GSN: variants seen among roughly 807,000 people sequenced by gnomAD.
The protein encoded by GSN is gelsolin, also known as actin-depolymerizing factor.
A neutral mutation model predicts 85.7 loss-of-function variants in GSN; 56 were observed. That is an observed-to-expected ratio of 0.65 (90% CI 0.53 to 0.82). The LOEUF (loss-of-function observed/expected upper bound fraction) is 0.82, where lower values mean the gene tolerates loss of function less well. Among genes scored for constraint, GSN ranks in the 40% least tolerant of loss-of-function variants. GSN has a pLI of 0.00. For missense variants in GSN, 857 were observed against 979.8 expected, an observed-to-expected ratio of 0.87 and a Z score of 1.67; for synonymous variants, 373 against 399.1, an observed-to-expected ratio of 0.93 and a Z score of 0.78.
At chr9:121,305,228 A>G (rs900068727) in intron 4 of GSN, among the ~76,000 whole-genome samples, 2 of 152,180 alleles carry the variant, frequency 1.3e-5, no homozygotes, top group Non-Finnish European at 2.9e-5. Context: ...ATCTCATTTA[A>G]TTCTCACTGT....
chr9:121,202,422 G>A, the GSN span, among the ~76,000 whole-genome samples: 545 of 152,308 alleles, frequency 3.6e-3, 5 homozygotes, highest in African/African-American at 0.013. Context: ...TGAGGCTCAG[G>A]TTGGTCAACT....
chr9:121,215,149 G>C (rs2054037142), intron 4 of GSN, among the ~76,000 whole-genome samples: 1 of 151,268 alleles, frequency 6.6e-6, no homozygotes, highest in African/African-American at 2.4e-5. Flanking sequence ...TCATATGGCT[G>C]TCTTCTCCCT....
intron 2 of GSN, among the ~76,000 whole-genome samples, chr9:121,297,123 A>G (rs543106707): frequency 3.3e-5 from 5 of 152,290 alleles, no homozygotes; most frequent in Admixed American, 6.5e-5. Context: ...ACTTGTTTGA[A>G]TTTTCCAAAT....
chr9:121,323,105 A>G lies in GSN; in HGVS notation c.1326-1449A>G, dbSNP rs1288978083. On this transcript the variant is annotated intron_variant, in intron 11 of 17. Coordinates refer to ENST00000432226, the MANE Select transcript of GSN (RefSeq NM_198252.3). ...CCCAGCCTCCCAAAGTGTTGGGATT[A>G]TAGGCATGAGCCACCACGCCAAGCT... Among the ~76,000 whole-genome samples the G allele has an allele frequency of 2.6e-5, 4 of 152,262 alleles. No individual in the cohort carries two copies. In the South Asian group the frequency reaches 6.2e-4, roughly 24 times the overall value.
chr9:121,287,064 A>C (rs1176868978), intron 2 of GSN, among the ~76,000 whole-genome samples: 2 of 152,136 alleles, frequency 1.3e-5, no homozygotes, highest in South Asian at 2.1e-4. Flanking sequence ...TGAGACTCCA[A>C]GTCTTGGAGC....
chr9:121,301,632 A>AT (rs2059860407), intron 2 of GSN, among the ~76,000 whole-genome samples: 4 of 144,324 alleles, frequency 2.8e-5, no homozygotes, highest in Admixed American at 2.7e-4. Flanking sequence ...TCTCAAAAAA[A>AT]AAAAAAAAAA....
At chr9:121,236,198 A>G (rs1034609614) in intron 5 of GSN, among the ~76,000 whole-genome samples, 1 of 151,602 alleles carries the variant, frequency 6.6e-6, no homozygotes, top group African/African-American at 2.4e-5. Context: ...ATTATTTAAC[A>G]TGTTGTTGTT....
chr9:121,214,687 C>T (rs532669283), intron 4 of GSN, among the ~76,000 whole-genome samples: 28 of 152,162 alleles, frequency 1.8e-4, no homozygotes, highest in Non-Finnish European at 3.4e-4. Context: ...CATATTCCTA[C>T]GGAGCTCTTG....
intron 4 of GSN, among the ~76,000 whole-genome samples, chr9:121,229,791 T>C (rs960919695): frequency 6.6e-6 from 1 of 152,216 alleles, no homozygotes; most frequent in Admixed American, 6.5e-5. Context: ...GGGAGACACT[T>C]TGAGACTATG....
chr9:121,202,826 C>G (rs1181416511), upstream of GSN, among the ~76,000 whole-genome samples: 1 of 152,110 alleles, frequency 6.6e-6, no homozygotes, highest in Non-Finnish European at 1.5e-5. Context: ...TTTCTTCTGA[C>G]TTTAAAAGAA....
At chr9:121,326,441 GC>G in intron 12 of GSN, 70 bp from the exon 13 acceptor site, 1 of 1,255,206 alleles carries the variant, frequency 8.0e-7, no homozygotes. Flanking sequence ...GGAGGGATGG[GC>G]CCAGTGCGAC....
intron 2 of GSN, among the ~76,000 whole-genome samples, chr9:121,301,261 T>C (rs1349520771): frequency 1.3e-5 from 2 of 152,182 alleles, no homozygotes; most frequent in African/African-American, 4.8e-5. Flanking sequence ...CTACACTGTT[T>C]CCTAGCTGGA....
intron 6 of GSN, among the ~76,000 whole-genome samples, chr9:121,253,285 ATGT>A (rs1018203868): frequency 4.9e-4 from 74 of 152,332 alleles, no homozygotes; most frequent in African/African-American, 1.7e-3. Flanking sequence ...CAGGTGAGTA[ATGT>A]TGTCAGATTT....
chr9:121,329,419 C>G lies in GSN; in HGVS notation c.1965+104C>G. On this transcript the variant is annotated intron_variant, in intron 16 of 17. Transcript: ENST00000432226. This position sits in a 1 kb window ranked among gnomAD's most constrained non-coding sequence, Gnocchi z 4.6. The stretch of plus-strand genomic sequence containing the variant: ...TAGAAGGACCTAAAGGGGGCAGTGC[C>G]AGGTGTTGCCAGAAAAGTCTCTAAG... The G allele has an allele frequency of 1.3e-6, 1 of 769,382 alleles. No individual in the cohort carries two copies. Among genetic ancestry groups the G allele is most frequent in the Non-Finnish European group, 2.4e-6 (1 of 425,020 alleles). The allele number at this position is 769,382 out of a possible 1,614,324, so 47.7% of individuals were successfully genotyped here.
upstream of GSN, among the ~76,000 whole-genome samples, chr9:121,207,010 A>G (rs2053891785): frequency 6.6e-6 from 1 of 152,248 alleles, no homozygotes; most frequent in Non-Finnish European, 1.5e-5. Flanking sequence ...CTTTCATTGC[A>G]TGCTCACTCC....
chr9:121,324,642 C>T lies in GSN; in HGVS notation c.1414C>T (p.Gln472Ter). The T allele has an allele frequency of 2.0e-6, 3 of 1,492,654 alleles. No individual in the cohort carries two copies. The highest frequency in any genetic ancestry group is 1.8e-6 in the Non-Finnish European group (2 of 1,096,626). 92.5% of individuals were successfully genotyped at this position (1,492,654 alleles called of 1,614,324 possible). A position where few individuals can be genotyped will look rare whatever the true frequency, so the allele number is the denominator to read the frequency against. The change falls in exon 12 of 18, where the codon CAG becomes TAG. Residue 472 changes from glutamine to a stop codon, truncating the protein, a stop_gained and splice_region_variant. Transcript: ENST00000432226. LOFTEE classifies it high-confidence loss of function. Reference protein sequence around the residue: ...LDEELGGTPVQSRVVQGKEPA... With the variant: ...LDEELGGTPV The stretch of plus-strand genomic sequence containing the variant: ...TGAGGAGCTGGGAGGTACCCCTGTC[C>T]AGGTGAGCCCAGCCCACCGCCTCTC...
intron 2 of GSN, among the ~76,000 whole-genome samples, chr9:121,296,128 G>A (rs1049561023): frequency 1.3e-5 from 2 of 152,202 alleles, no homozygotes; most frequent in Admixed American, 1.3e-4. Context: ...GCTTGACTTG[G>A]GCTTGATTGA....
upstream of GSN, among the ~76,000 whole-genome samples, chr9:121,207,076 T>G (rs2053892811): frequency 6.6e-6 from 1 of 152,270 alleles, no homozygotes; most frequent in Non-Finnish European, 1.5e-5. Flanking sequence ...AATTATTTCT[T>G]TATTGCTTTT....
At chr9:121,303,870 G>A (rs1357518270) in intron 4 of GSN, among the ~76,000 whole-genome samples, 1 of 152,250 alleles carries the variant, frequency 6.6e-6, no homozygotes, top group Non-Finnish European at 1.5e-5. Flanking sequence ...TCACAGCCAG[G>A]TGGGCCTTAA....
Sources: allele counts gnomAD v4.1 joint callset (sites outside exome capture counted in the v4.1 genomes callset), GRCh38; gene constraint gnomAD v4.1.1; non-coding constraint Gnocchi (gnomAD v3.1); transcripts MANE v1.5; gene names NCBI Gene and HGNC (gene_info 2026-07-23, HGNC 2026-07-21).